The following CAMTA1 variants were observed in gnomAD, a reference collection of about 807,000 sequenced individuals.
The protein encoded by CAMTA1 is calmodulin binding transcription activator 1.
Under a neutral mutation model 170.9 loss-of-function variants are expected in CAMTA1, and 27 were observed. That is an observed-to-expected ratio of 0.16 (90% confidence interval 0.12 to 0.22). CAMTA1 has a LOEUF of 0.22. CAMTA1 is among the 10% of genes least tolerant of loss of function. The probability of loss-of-function intolerance (pLI) is 1.00; values close to 1 mark genes in which losing one functional copy is unlikely to be tolerated. For missense variants in CAMTA1, 1,619 were observed against 2,217.2 expected (o/e 0.73, Z 5.42); for synonymous variants, 833 against 891.5 (o/e 0.93, Z 1.17).
chr1:7,023,207 A>C (rs543535022), intron 3 of CAMTA1, among the ~76,000 whole-genome samples: 1 of 152,364 alleles, frequency 6.6e-6, no homozygotes, highest in South Asian at 2.1e-4. Context: ...CAAATCCTGC[A>C]CTATCAATGT....
At chr1:7,563,132 A>G (rs1401917452) in intron 6 of CAMTA1, among the ~76,000 whole-genome samples, 2 of 152,194 alleles carry the variant, frequency 1.3e-5, no homozygotes, top group African/African-American at 2.4e-5. Context: ...GTCCCTGGTC[A>G]TCGGGCTGTA....
At chr1:7,158,247 A>G (rs1647009556) in intron 4 of CAMTA1, among the ~76,000 whole-genome samples, 1 of 152,210 alleles carries the variant, frequency 6.6e-6, no homozygotes. Context: ...GAAGCCAGAA[A>G]CAAGAGTACA....
chr1:6,874,546 C>T (rs552861702), intron 3 of CAMTA1: 3 of 152,328 alleles, frequency 2.0e-5, no homozygotes, highest in African/African-American at 7.2e-5. Flanking sequence ...AAATCAGGTT[C>T]GAAACCATTC....
chr1:7,740,787 T>C (rs937675700), intron 16 of CAMTA1, among the ~76,000 whole-genome samples: 1 of 152,354 alleles, frequency 6.6e-6, no homozygotes, highest in South Asian at 2.1e-4. Context: ...TGGCCTTCAC[T>C]GAAACAGAGT....
chr1:6,942,823 T>C (rs12040995), intron 3 of CAMTA1, among the ~76,000 whole-genome samples: 79,813 of 152,082 alleles, frequency 0.52, 21,733 homozygotes, highest in Non-Finnish European at 0.61. Context: ...TGTGGCCAGC[T>C]GTGATGGGCA....
chr1:6,904,656 C>T (rs1242517908), intron 3 of CAMTA1, among the ~76,000 whole-genome samples: 1 of 148,266 alleles, frequency 6.7e-6, no homozygotes, highest in African/African-American at 2.5e-5. Context: ...CAGCCTCAAA[C>T]TTCCAGGCTC....
chr1:7,415,996 C>T (rs952803363), intron 5 of CAMTA1, among the ~76,000 whole-genome samples: 11 of 152,028 alleles, frequency 7.2e-5, no homozygotes, highest in Admixed American at 1.3e-4. Context: ...CTGTAAAGTA[C>T]TTTATTTCTC....
At chr1:7,310,554 G>A (rs954118982) in intron 5 of CAMTA1, among the ~76,000 whole-genome samples, 3 of 150,878 alleles carry the variant, frequency 2.0e-5, no homozygotes, top group Non-Finnish European at 4.4e-5. Flanking sequence ...GTAATGTGTC[G>A]TTTTTCTCTG....
chr1:7,546,669 T>C (rs967712615), intron 6 of CAMTA1, among the ~76,000 whole-genome samples: 16 of 152,206 alleles, frequency 1.1e-4, no homozygotes, highest in African/African-American at 3.9e-4. Flanking sequence ...GCATCTGTTG[T>C]TTTTTAACTT....
intron 5 of CAMTA1, among the ~76,000 whole-genome samples, chr1:7,467,235 T>C (rs2093232256): frequency 1.3e-5 from 2 of 152,120 alleles, no homozygotes. Flanking sequence ...AGATGCAGGA[T>C]TACTTAACAA....
intron 6 of CAMTA1, among the ~76,000 whole-genome samples, chr1:7,513,062 C>T (rs896929921): frequency 6.6e-6 from 1 of 152,144 alleles, no homozygotes; most frequent in Non-Finnish European, 1.5e-5. Flanking sequence ...ACTCCCATCC[C>T]AACACCACCC....
intron 5 of CAMTA1, among the ~76,000 whole-genome samples, chr1:7,258,026 C>G (rs929301579): frequency 1.3e-5 from 2 of 152,204 alleles, no homozygotes; most frequent in African/African-American, 4.8e-5. Flanking sequence ...GGGCTGGGGA[C>G]TTTCGTGCTC....
chr1:7,693,786 G>C (rs2096344721), intron 11 of CAMTA1: 1 of 152,190 alleles, frequency 6.6e-6, no homozygotes, highest in Non-Finnish European at 1.5e-5. Flanking sequence ...CCAGTGTTCA[G>C]AGTTTTTATT....
chr1:6,989,436 C>A (rs1695943316), intron 3 of CAMTA1, among the ~76,000 whole-genome samples: 1 of 152,184 alleles, frequency 6.6e-6, no homozygotes, highest in Admixed American at 6.5e-5. Context: ...TTGAAAATAA[C>A]ATGGAAGGTT....
At chr1:7,542,364 T>G (rs2094623348) in intron 6 of CAMTA1, among the ~76,000 whole-genome samples, 1 of 152,246 alleles carries the variant, frequency 6.6e-6, no homozygotes. Context: ...TTTGCTTTTT[T>G]TTCACTTACC....
At chr1:7,358,297 AT>A (rs1470873780) in intron 5 of CAMTA1, among the ~76,000 whole-genome samples, 1 of 152,176 alleles carries the variant, frequency 6.6e-6, no homozygotes, top group Non-Finnish European at 1.5e-5. Flanking sequence ...CTTGAAGTAA[AT>A]TTGCCTATTA....
At chr1:7,447,537 C>T (rs1021685891) in intron 5 of CAMTA1, among the ~76,000 whole-genome samples, 2 of 152,058 alleles carry the variant, frequency 1.3e-5, no homozygotes, top group African/African-American at 4.8e-5. Flanking sequence ...GGGATCGTGC[C>T]AGGCTAAGGG....
At chr1:6,869,420 G>A (rs1412097635) in intron 3 of CAMTA1, among the ~76,000 whole-genome samples, 2 of 152,198 alleles carry the variant, frequency 1.3e-5, no homozygotes, top group Non-Finnish European at 2.9e-5. Context: ...GTGGGAAAAT[G>A]TGTGTGGCTT....
rs74051017 is a variant in CAMTA1, at chr1:6,863,733, A to T, written c.234+38523A>T. Among the ~76,000 whole-genome samples the T allele has an allele frequency of 2.7e-3, 409 of 152,360 alleles. 1 individual carries two copies. Among genetic ancestry groups the T allele is most frequent in the African/African-American group, 9.5e-3 (396 of 41,586 alleles). The stretch of plus-strand genomic sequence containing the variant: ...CACACCTGTTTCCCCTGCTAACATT[A>T]CTGTGGTACATGTTTCACACCAGTG... On this transcript the variant is annotated intron_variant, in intron 3 of 22. Transcript: ENST00000303635.
Sources: allele counts gnomAD v4.1 joint callset (sites outside exome capture counted in the v4.1 genomes callset), GRCh38; gene constraint gnomAD v4.1.1; transcripts MANE v1.5; gene names NCBI Gene and HGNC (gene_info 2026-07-23, HGNC 2026-07-21).